F2RL3: variants seen among roughly 807,000 people sequenced by gnomAD.
F2RL3 encodes F2R like thrombin or trypsin receptor 3, also known as proteinase-activated receptor 4.
In F2RL3, 3 loss-of-function variants were observed where a neutral mutation model predicts 4.9. That is an observed-to-expected ratio of 0.61 (90% CI 0.28 to 1.58). F2RL3 has a LOEUF of 1.58. F2RL3 is among the 40% of genes most tolerant of loss of function. The pLI is 0.11. For missense variants in F2RL3, 564 were observed against 550.4 expected (o/e 1.02, Z -0.25); for synonymous variants, 284 against 278.4 (o/e 1.02, Z -0.20).
In F2RL3 at chr19:16,890,777, T is replaced by G. The variant is rs1049670000; in HGVS notation, c.*156T>G. 1.6e-6 allele frequency: 1 copy of G among 643,846 alleles called. No individual in the cohort carries two copies. The highest frequency in any genetic ancestry group is 4.2e-4 in the Middle Eastern group (1 of 2,356). 39.9% of individuals were successfully genotyped at this position (643,846 alleles called of 1,614,324 possible). A position where few individuals can be genotyped will look rare whatever the true frequency, so the allele number is the denominator to read the frequency against. ...GGAGAAGGGTGGGCCTTACATCCAG[T>G]GTGGGTGGTGTCCTCATAAGATAAG... On this transcript the variant is annotated 3_prime_UTR_variant, in exon 2 of 2. Transcript: ENST00000248076.
chr19:16,890,409 G>A lies in F2RL3; in HGVS notation c.946G>A (p.Gly316Ser), dbSNP rs774604184. Residue 316 changes from glycine to serine, a missense_variant, in exon 2 of 2, where the codon GGC (glycine) becomes AGC (serine). Gly to Ser is a moderately conservative substitution (Grantham distance 56, BLOSUM62 0). Transcript: ENST00000248076. ...CTCGGACCCGAGCCCCAGCGCCTGGGGCAACCTCTATGGTGCCTACGTGCC... is the reference window on the plus strand; with the variant it reads ...CTCGGACCCGAGCCCCAGCGCCTGGAGCAACCTCTATGGTGCCTACGTGCC... ...HYSDPSPSAW[G>S]NLYGAYVPSL... is the part of the protein sequence containing the mutation. 6.2e-6 allele frequency: 10 copies of A among 1,611,680 alleles called. No homozygotes were observed. The highest frequency in any genetic ancestry group is 1.3e-5 in the African/African-American group (1 of 74,942).
In F2RL3 at chr19:16,889,850, GC is replaced by G. The variant is rs779221620; in HGVS notation, c.392del (p.Pro131ArgfsTer81). 6.3e-7 allele frequency: 1 copy of G among 1,596,126 alleles called. No individual in the cohort carries two copies. Among genetic ancestry groups the G allele is most frequent in the South Asian group, 1.1e-5 (1 of 90,400 alleles). On this transcript the variant is annotated frameshift_variant, in exon 2 of 2. Coordinates refer to ENST00000248076, the MANE Select transcript of F2RL3 (RefSeq NM_003950.4). LOFTEE classifies it low-confidence loss of function (END_TRUNC). The part of the protein sequence containing the change: ...AADLLLALAL[P>X]PRIAYHLRGQ... ...CTGACCTCCTGCTGGCCCTGGCGCTGCCCCCGCGGATCGCCTACCACCTGCG... is the reference window on the plus strand; with the variant it reads ...CTGACCTCCTGCTGGCCCTGGCGCTGCCCCGCGGATCGCCTACCACCTGCG...
In F2RL3 at chr19:16,890,536, G is replaced by A. The variant is rs749158087; in HGVS notation, c.1073G>A (p.Arg358Gln). 1.6e-5 allele frequency: 26 copies of A among 1,610,644 alleles called. No individual in the cohort carries two copies. The highest frequency in any genetic ancestry group is 1.6e-4 in the Middle Eastern group (1 of 6,082). Residue 358 changes from arginine (R) to glutamine (Q), a missense_variant, in exon 2 of 2, where the codon CGG (arginine) becomes CAG (glutamine). Arg to Gln is a conservative substitution (Grantham distance 43). Coordinates refer to ENST00000248076, the MANE Select transcript of F2RL3 (RefSeq NM_003950.4). ...RDKVRAGLFQ[R>Q]SPGDTVASKA... ...AAGGTGCGGGCAGGGCTCTTCCAACGGTCGCCGGGGGACACCGTGGCCTCC... is the reference window on the plus strand; with the variant it reads ...AAGGTGCGGGCAGGGCTCTTCCAACAGTCGCCGGGGGACACCGTGGCCTCC...
Position 16,890,128 on chromosome 19 carries a change from G to T in F2RL3, c.665G>T (p.Arg222Leu). The T allele has an allele frequency of 1.3e-6, 2 of 1,596,384 alleles. No homozygotes were observed. The highest frequency in any genetic ancestry group is 2.2e-5 in the East Asian group (1 of 44,746). Residue 222 changes from arginine to leucine, a missense_variant, in exon 2 of 2, where the codon CGC becomes CTC. Transcript: ENST00000248076. The part of the protein sequence containing the change: ...TLQRQTFRLA[R>L]SDRVLCHDAL... ...CAGCGGCAGACCTTCCGGCTGGCGC[G>T]CTCCGATCGCGTGCTCTGCCATGAC... is the stretch of plus-strand genomic sequence containing the variant.
chr19:16,889,327 G>T (rs1347174785), intron 1 of F2RL3, 29 bp downstream of exon 1: 2 of 1,541,786 alleles, frequency 1.3e-6, no homozygotes, highest in East Asian at 2.4e-5. Context: ...GGGGTGCAGA[G>T]ATGGGGTTAC....
rs943880074 is a variant in F2RL3, at chr19:16,891,520, A to C, written c.*899A>C. On this transcript the variant is annotated 3_prime_UTR_variant, in exon 2 of 2. Transcript: ENST00000248076. The stretch of plus-strand genomic sequence containing the variant: ...AGCACTTTGGAAGGCCGAGGTGGGC[A>C]GATCATCTGAGGCCAGGAGTTCAAG... The C allele has an allele frequency of 1.3e-5, 2 of 152,170 alleles. No homozygotes were observed. The highest frequency in any genetic ancestry group is 2.9e-5 in the Non-Finnish European group (2 of 68,040). The allele number at this position is 152,170 out of a possible 1,614,324, so 9.4% of individuals were successfully genotyped here. A position where few individuals can be genotyped will look rare whatever the true frequency, so the allele number is the denominator to read the frequency against.
In F2RL3 at chr19:16,889,620, G is replaced by T. The variant is rs1179790370; in HGVS notation, c.157G>T (p.Val53Phe). ...LPAPRGYPGQ[V>F]CANDSDTLEL... ...TGCCCCCCGCGGCTACCCAGGCCAAGTCTGTGCCAATGACAGTGACACCCT... is the reference window on the plus strand; with the variant it reads ...TGCCCCCCGCGGCTACCCAGGCCAATTCTGTGCCAATGACAGTGACACCCT... The change falls in exon 2 of 2, where the codon GTC becomes TTC. Residue 53 changes from valine to phenylalanine, a missense_variant. Physicochemically the swap from Val to Phe is conservative, Grantham distance 50. Coordinates refer to ENST00000248076, the MANE Select transcript of F2RL3 (RefSeq NM_003950.4). 4 of 1,605,052 alleles carry T rather than the reference G, an allele frequency of 2.5e-6. No homozygotes were observed. The highest frequency in any genetic ancestry group is 3.4e-6 in the Non-Finnish European group (4 of 1,175,620).
rs746463400 is a variant in F2RL3 at position 16,889,704 on chromosome 19, C to A, written c.241C>A (p.Pro81Thr). 1.4e-5 allele frequency: 22 copies of A among 1,607,652 alleles called. No homozygotes were observed. The highest frequency in any genetic ancestry group is 1.9e-5 in the Non-Finnish European group (22 of 1,179,620). ...LLGWVPTRLV[P>T]ALYGLVLVVG... is the part of the protein sequence containing the mutation. Reference sequence around the variant, plus strand: ...GGGCTGGGTGCCCACCAGGCTGGTGCCCGCCCTCTATGGGCTGGTCCTGGT... The same window carrying A: ...GGGCTGGGTGCCCACCAGGCTGGTGACCGCCCTCTATGGGCTGGTCCTGGT... The change falls in exon 2 of 2, where the codon CCC becomes ACC. Residue 81 changes from proline (P) to threonine (T), a missense_variant. By Grantham distance (38) the Pro-to-Thr change is conservative. Coordinates refer to ENST00000248076, the MANE Select transcript of F2RL3 (RefSeq NM_003950.4).
Position 16,889,156 on chromosome 19 carries a change from T to C in F2RL3, c.-34T>C. 3 of 1,415,770 alleles carry C rather than the reference T, an allele frequency of 2.1e-6. No homozygotes were observed. The highest frequency in any genetic ancestry group is 2.8e-6 in the Non-Finnish European group (3 of 1,068,318). The allele number at this position is 1,415,770 out of a possible 1,614,324, so 87.7% of individuals were successfully genotyped here. On this transcript the variant is annotated 5_prime_UTR_variant, in exon 1 of 2. Transcript: ENST00000248076. ...TCAGGGTCCGGCGAGGCAGGAAGCC[T>C]GAGGCCACAGCCCAGAGCAGCCTGA... is the stretch of plus-strand genomic sequence containing the variant.
At position 16,889,786 on chromosome 19, in the gene F2RL3, G is replaced by C. The variant is rs562764495; in HGVS notation, c.323G>C (p.Arg108Pro). Residue 108 changes from arginine to proline, a missense_variant, in exon 2 of 2, where the codon CGG (arginine) becomes CCG (proline). Transcript: ENST00000248076. Reference sequence around the variant, plus strand: ...TGGGTGCTGGCCACGCAGGCACCTCGGCTGCCCTCCACCATGCTGCTGATG... The same window carrying C: ...TGGGTGCTGGCCACGCAGGCACCTCCGCTGCCCTCCACCATGCTGCTGATG... Reference protein sequence around the residue: ...ALWVLATQAPRLPSTMLLMNL... With the variant: ...ALWVLATQAPPLPSTMLLMNL... The C allele has an allele frequency of 8.8e-6, 14 of 1,598,700 alleles. No individual in the cohort carries two copies. The highest frequency in any genetic ancestry group is 6.7e-5 in the Admixed American group (4 of 59,432).
Position 16,889,991 on chromosome 19 carries a change from G to C in F2RL3, c.528G>C (p.Leu176=), listed in dbSNP as rs1364733430. Residue 176 remains leucine (L), a synonymous_variant, in exon 2 of 2, where the codon CTG becomes CTC. Transcript: ENST00000248076. ...LLAAVSLDRY[L]ALVHPLRARA... is the part of the protein sequence containing the mutation. ...CCGCCGTCAGCCTGGATCGCTACCT[G>C]GCCCTGGTGCACCCGCTGCGGGCCC... 4 of 1,598,750 alleles carry C rather than the reference G, an allele frequency of 2.5e-6. No homozygotes were observed. The highest frequency in any genetic ancestry group is 3.4e-6 in the Non-Finnish European group (4 of 1,176,620).
Position 16,889,089 on chromosome 19 carries a change from C to T in F2RL3, c.-101C>T, listed in dbSNP as rs1046022085. On this transcript the variant is annotated 5_prime_UTR_variant, in exon 1 of 2. Transcript: ENST00000248076. Reference sequence around the variant, plus strand: ...GGCAGCCTTCCTGGTTTATCTCTACCGGCGCGATCTGCTCGTCCGCCTCGG... The same window carrying T: ...GGCAGCCTTCCTGGTTTATCTCTACTGGCGCGATCTGCTCGTCCGCCTCGG... 2.2e-5 allele frequency: 20 copies of T among 906,964 alleles called. No homozygotes were observed. Among genetic ancestry groups the T allele is most frequent in the Middle Eastern group, 6.9e-4 (2 of 2,878 alleles). 56.2% of individuals were successfully genotyped at this position (906,964 alleles called of 1,614,324 possible).
In F2RL3 at chr19:16,889,829, C is replaced by A. The variant is rs756780225; in HGVS notation, c.366C>A (p.Asp122Glu). 3 of 1,598,254 alleles carry A rather than the reference C, an allele frequency of 1.9e-6. No individual in the cohort carries two copies. The highest frequency in any genetic ancestry group is 2.5e-6 in the Non-Finnish European group (3 of 1,178,460). The change falls in exon 2 of 2, where the codon GAC (aspartate) becomes GAA (glutamate). Residue 122 changes from aspartate (D) to glutamate (E), a missense_variant. Coordinates refer to ENST00000248076, the MANE Select transcript of F2RL3 (RefSeq NM_003950.4). ...TGCTGATGAACCTCGCGGCTGCTGA[C>A]CTCCTGCTGGCCCTGGCGCTGCCCC... Reference protein sequence around the residue: ...TMLLMNLAAADLLLALALPPR... With the variant: ...TMLLMNLAAAELLLALALPPR...
At position 16,889,974 on chromosome 19, in the gene F2RL3, A is replaced by AGCCTGGATCGCT; in HGVS notation, c.512_523dup (p.Arg174_Tyr175insCysLeuAspArg). The AGCCTGGATCGCT allele has an allele frequency of 6.3e-7, 1 of 1,597,192 alleles. No homozygotes were observed. Among genetic ancestry groups the AGCCTGGATCGCT allele is most frequent in the Non-Finnish European group, 8.5e-7 (1 of 1,175,596 alleles). On this transcript the variant is annotated inframe_insertion, in exon 2 of 2. Coordinates refer to ENST00000248076, the MANE Select transcript of F2RL3 (RefSeq NM_003950.4). ...CTCAGTGCTGCTGCTGGCCGCCGTC[A>AGCCTGGATCGCT]GCCTGGATCGCTACCTGGCCCTGGT...
chr19:16,889,846 C>T lies in F2RL3; in HGVS notation c.383C>T (p.Ala128Val), dbSNP rs745322903. 56 of 1,596,108 alleles carry T rather than the reference C, an allele frequency of 3.5e-5. No homozygotes were observed. Among genetic ancestry groups the T allele is most frequent in the South Asian group, 1.7e-4 (15 of 90,404 alleles). The change falls in exon 2 of 2, where the codon GCG becomes GTG. Residue 128 changes from alanine (A) to valine (V), a missense_variant. Ala to Val is a moderately conservative substitution (Grantham distance 64). Coordinates refer to ENST00000248076, the MANE Select transcript of F2RL3 (RefSeq NM_003950.4). ...LAAADLLLAL[A>V]LPPRIAYHLR... ...GCTGCTGACCTCCTGCTGGCCCTGG[C>T]GCTGCCCCCGCGGATCGCCTACCAC... is the stretch of plus-strand genomic sequence containing the variant.
Position 16,890,844 on chromosome 19 carries a change from T to G in F2RL3, c.*223T>G. 1.8e-6 allele frequency: 1 copy of G among 564,516 alleles called. No individual in the cohort carries two copies. The highest frequency in any genetic ancestry group is 3.1e-6 in the Non-Finnish European group (1 of 319,652). 35.0% of individuals were successfully genotyped at this position (564,516 alleles called of 1,614,324 possible). ...TGGCTCACGCCTGTAATCCCAGCACTTTAAGAGGCCAAGGCGGATGGATCA... is the reference window on the plus strand; with the variant it reads ...TGGCTCACGCCTGTAATCCCAGCACGTTAAGAGGCCAAGGCGGATGGATCA... On this transcript the variant is annotated 3_prime_UTR_variant, in exon 2 of 2. Coordinates refer to ENST00000248076, the MANE Select transcript of F2RL3 (RefSeq NM_003950.4).
rs773905 is a variant in F2RL3, at chr19:16,889,086, T to C, written c.-104T>C. 0.54 allele frequency: 472,541 copies of C among 867,268 alleles called. 132,278 individuals are homozygous for C. Among genetic ancestry groups the C allele is most frequent in the African/African-American group, 0.79 (45,876 of 58,288 alleles). The allele number at this position is 867,268 out of a possible 1,614,324, so 53.7% of individuals were successfully genotyped here. On this transcript the variant is annotated 5_prime_UTR_variant, in exon 1 of 2. Coordinates refer to ENST00000248076, the MANE Select transcript of F2RL3 (RefSeq NM_003950.4). ...AGGGGCAGCCTTCCTGGTTTATCTC[T>C]ACCGGCGCGATCTGCTCGTCCGCCT...
rs1470182482 is a variant in F2RL3 at position 16,889,207 on chromosome 19, C to G, written c.18C>G (p.Leu6=). 1 of 1,576,378 alleles carries G rather than the reference C, an allele frequency of 6.3e-7. No individual in the cohort carries two copies. The highest frequency in any genetic ancestry group is 8.6e-7 in the Non-Finnish European group (1 of 1,162,760). Residue 6 remains leucine (L), a synonymous_variant, in exon 1 of 2, where the codon CTC becomes CTG. Coordinates refer to ENST00000248076, the MANE Select transcript of F2RL3 (RefSeq NM_003950.4). MWGRL[L]LWPLVLGFSL... ...GTGCAGTCATGTGGGGGCGACTGCT[C>G]CTGTGGCCCCTGGTGCTGGGGTTCA...
At position 16,890,342 on chromosome 19, in the gene F2RL3, G is replaced by T; in HGVS notation, c.879G>T (p.Val293=). ...RLTAVVLASA[V]AFFVPSNLLL... is the part of the protein sequence containing the mutation. Reference sequence around the variant, plus strand: ...CCGCAGTGGTGCTGGCCTCCGCCGTGGCCTTCTTCGTGCCCAGCAACCTGC... The same window carrying T: ...CCGCAGTGGTGCTGGCCTCCGCCGTTGCCTTCTTCGTGCCCAGCAACCTGC... The change falls in exon 2 of 2, where the codon GTG becomes GTT. Residue 293 remains valine, a synonymous_variant. Transcript: ENST00000248076. The T allele has an allele frequency of 6.3e-7, 1 of 1,598,624 alleles. No homozygotes were observed. The highest frequency in any genetic ancestry group is 8.5e-7 in the Non-Finnish European group (1 of 1,176,286).
Sources: allele counts gnomAD v4.1 joint callset, GRCh38; gene constraint gnomAD v4.1.1; transcripts MANE v1.5; gene names NCBI Gene and HGNC (gene_info 2026-07-23, HGNC 2026-07-21).